The following GRM7 variants were observed in gnomAD, a reference collection of about 807,000 sequenced individuals.
The protein encoded by GRM7 is metabotropic glutamate receptor 7.
Under a neutral mutation model 84.5 loss-of-function variants are expected in GRM7, and 35 were observed. That is an observed-to-expected ratio of 0.41 (90% CI 0.32 to 0.55). The LOEUF is 0.55. GRM7 is among the 20% of genes least tolerant of loss of function. GRM7 has a pLI of 0.19. For synonymous variants in GRM7, 487 were observed against 455.1 expected (o/e 1.07, Z -0.89); for missense variants, 1,003 against 1,194.6 (o/e 0.84, Z 2.36).
intron 2 of GRM7, among the ~76,000 whole-genome samples, chr3:7,149,147 A>C (rs1694200193): frequency 1.3e-5 from 2 of 152,164 alleles, no homozygotes; most frequent in Non-Finnish European, 2.9e-5. Context: ...TAGTTGCATG[A>C]ACTTATGTGA....
At chr3:7,251,997 G>A (rs1271377075) in intron 2 of GRM7, among the ~76,000 whole-genome samples, 1 of 152,044 alleles carries the variant, frequency 6.6e-6, no homozygotes, top group African/African-American at 2.4e-5. Context: ...TTTAAAGTGG[G>A]GATTGGGACA....
chr3:7,015,851 A>G (rs1250959533), intron 1 of GRM7, among the ~76,000 whole-genome samples: 1 of 152,200 alleles, frequency 6.6e-6, no homozygotes, highest in Admixed American at 6.5e-5. Flanking sequence ...AGTGCCTTTG[A>G]TAACTTAGTC....
intron 2 of GRM7, among the ~76,000 whole-genome samples, chr3:7,192,291 G>A (rs560798418): frequency 1.2e-4 from 19 of 152,140 alleles, no homozygotes; most frequent in Admixed American, 8.5e-4. Flanking sequence ...TTTGAGAAAT[G>A]CCACTCTGGC....
intron 5 of GRM7, among the ~76,000 whole-genome samples, chr3:7,424,169 C>T (rs1356986513): frequency 1.3e-5 from 2 of 152,086 alleles, no homozygotes; most frequent in Non-Finnish European, 2.9e-5. Context: ...TATATGGGCT[C>T]ATTCACAAGA....
intron 7 of GRM7, among the ~76,000 whole-genome samples, chr3:7,531,393 T>A (rs1265832446): frequency 6.6e-6 from 1 of 152,106 alleles, no homozygotes; most frequent in Non-Finnish European, 1.5e-5. Flanking sequence ...ATCTATAGAT[T>A]AGTTTGGGCA....
intron 1 of GRM7, among the ~76,000 whole-genome samples, chr3:7,048,386 G>A (rs1696875672): frequency 6.6e-6 from 1 of 151,628 alleles, no homozygotes; most frequent in African/African-American, 2.4e-5. Context: ...ATTAAAATTA[G>A]TGTTTGTAGT....
At chr3:6,946,899 T>A (rs1251386885) in intron 1 of GRM7, among the ~76,000 whole-genome samples, 1 of 152,218 alleles carries the variant, frequency 6.6e-6, no homozygotes, top group Non-Finnish European at 1.5e-5. Context: ...TGCACATTGA[T>A]TTTGTATCCT....
chr3:7,257,070 A>G (rs1294974070), intron 2 of GRM7, among the ~76,000 whole-genome samples: 4 of 152,194 alleles, frequency 2.6e-5, no homozygotes, highest in Non-Finnish European at 5.9e-5. Context: ...TCCAATTTTA[A>G]GGTTCAGTAC....
chr3:7,449,669 A>C (rs1303931646), intron 5 of GRM7, among the ~76,000 whole-genome samples: 9 of 152,108 alleles, frequency 5.9e-5, no homozygotes, highest in Non-Finnish European at 8.8e-5. Context: ...ACCCAGTCGC[A>C]TATGGAAATT....
intron 7 of GRM7, among the ~76,000 whole-genome samples, chr3:7,498,951 C>T (rs1699793871): frequency 6.6e-6 from 1 of 152,106 alleles, no homozygotes; most frequent in Non-Finnish European, 1.5e-5. Flanking sequence ...TGCTATGTAA[C>T]AAATAATGGG....
chr3:7,404,061 G>A (rs1355521413), intron 4 of GRM7, among the ~76,000 whole-genome samples: 1 of 152,078 alleles, frequency 6.6e-6, no homozygotes, highest in East Asian at 1.9e-4. Flanking sequence ...TGATTCAGCT[G>A]GTCTGGTTTG....
At position 7,211,928 on chromosome 3, in the gene GRM7, G is replaced by A. The variant is rs140374605; in HGVS notation, c.736+65260G>A. Reference sequence around the variant, plus strand: ...GGTGTTCTTCAGTCACCCTAGCTCCGTGGCCGTTTTTGTCTGGCACCTTTT... The same window carrying A: ...GGTGTTCTTCAGTCACCCTAGCTCCATGGCCGTTTTTGTCTGGCACCTTTT... On this transcript the variant is annotated intron_variant, in intron 2 of 9. Transcript: ENST00000357716. 6.5e-3 allele frequency among the ~76,000 whole-genome samples: 982 copies of A among 151,324 alleles called. 10 individuals carry two copies. The highest frequency in any genetic ancestry group is 0.027 in the East Asian group (139 of 5,144).
chr3:7,108,237 G>A (rs1574914224), intron 1 of GRM7, among the ~76,000 whole-genome samples: 1 of 151,942 alleles, frequency 6.6e-6, no homozygotes, highest in African/African-American at 2.4e-5. Context: ...AATGAACATC[G>A]GCATCCATGT....
chr3:7,322,923 G>C (rs1255452147), intron 4 of GRM7, among the ~76,000 whole-genome samples: 4 of 152,116 alleles, frequency 2.6e-5, no homozygotes, highest in African/African-American at 9.7e-5. Flanking sequence ...AATGGCATCA[G>C]TGTCTCTGAT....
intron 7 of GRM7, among the ~76,000 whole-genome samples, chr3:7,550,928 A>C (rs1693437286): frequency 6.6e-6 from 1 of 152,164 alleles, no homozygotes; most frequent in Non-Finnish European, 1.5e-5. Context: ...AGTATTTCAC[A>C]GTGGATATTA....
intron 4 of GRM7, among the ~76,000 whole-genome samples, chr3:7,327,910 T>C (rs1701048534): frequency 6.6e-6 from 1 of 152,214 alleles, no homozygotes; most frequent in South Asian, 2.1e-4. Flanking sequence ...CAGAACATTG[T>C]AAGTCCTACA....
In GRM7 at chr3:7,682,564, ACACACAC is replaced by A. The variant is rs777770645; in HGVS notation, c.2698+2270_2698+2276del. The stretch of plus-strand genomic sequence containing the variant: ...TACACACACACACACACACACACAC[ACACACAC>A]ATTTAACTAGATACTGTTCAAAGTC... On this transcript the variant is annotated intron_variant, in intron 9 of 9. Transcript: ENST00000357716. 9.8e-3 allele frequency among the ~76,000 whole-genome samples: 983 copies of A among 100,816 alleles called. 17 individuals are homozygous for A. The highest frequency in any genetic ancestry group is 5.6e-3 in the Non-Finnish European group (276 of 49,560). 66.1% of individuals were successfully genotyped at this position (100,816 alleles called of 152,430 possible).
chr3:7,490,632 G>T (rs921439542), intron 7 of GRM7, among the ~76,000 whole-genome samples: 5 of 152,098 alleles, frequency 3.3e-5, no homozygotes, highest in African/African-American at 1.2e-4. Context: ...CATTCAAAAA[G>T]TGCTATTAAT....
At chr3:7,109,102 G>T (rs774534227) in intron 1 of GRM7, among the ~76,000 whole-genome samples, 2 of 152,002 alleles carry the variant, frequency 1.3e-5, no homozygotes, top group Non-Finnish European at 2.9e-5. Flanking sequence ...AAAAGAGGCT[G>T]ATATGAAATG....
Sources: allele counts gnomAD v4.1 joint callset (sites outside exome capture counted in the v4.1 genomes callset), GRCh38; gene constraint gnomAD v4.1.1; transcripts MANE v1.5; gene names NCBI Gene and HGNC (gene_info 2026-07-23, HGNC 2026-07-21).